BCAS1: variants seen among roughly 807,000 people sequenced by gnomAD.
BCAS1 encodes breast carcinoma-amplified sequence 1.
In BCAS1, 46 loss-of-function variants were observed where a neutral mutation model predicts 65.4. That is an observed-to-expected ratio of 0.70 (90% CI 0.55 to 0.90). The LOEUF (loss-of-function observed/expected upper bound fraction) is 0.90. Among genes scored for constraint, BCAS1 ranks in the 40% least tolerant of loss-of-function variants. The pLI is 0.00. For synonymous variants in BCAS1, 298 were observed against 293.5 expected, an observed-to-expected ratio of 1.02 and a Z score of -0.16; for missense variants, 793 against 771.2, an observed-to-expected ratio of 1.03 and a Z score of -0.33.
At chr20:53,968,874 G>A (rs1458923731) in intron 9 of BCAS1, among the ~76,000 whole-genome samples, 2 of 152,224 alleles carry the variant, frequency 1.3e-5, no homozygotes, top group African/African-American at 4.8e-5. Flanking sequence ...GTCTGCTGCT[G>A]GGCTGTTGGC....
chr20:54,001,863 GTTACA>G (rs1368770292), intron 4 of BCAS1, among the ~76,000 whole-genome samples: 1 of 152,126 alleles, frequency 6.6e-6, no homozygotes, highest in Non-Finnish European at 1.5e-5. Flanking sequence ...CCCATTGGCA[GTTACA>G]TTAGGTAGGA....
At position 53,985,423 on chromosome 20, in the gene BCAS1, C is replaced by T; in HGVS notation, c.1139G>A (p.Gly380Glu). ...KANFTSQETQ[G>E]AGKNSKGCNP... is the part of the protein sequence containing the mutation. ...GCATCCTTTGGAATTCTTGCCAGCC[C>T]CTTGGGTCTCCTGGGATGTAAAGTT... The change falls in exon 8 of 13, where the codon GGG becomes GAG. Residue 380 changes from glycine to glutamate, a missense_variant. Coordinates refer to ENST00000688948, the MANE Select transcript of BCAS1 (RefSeq NM_001366298.2). 6.2e-7 allele frequency: 1 copy of T among 1,613,918 alleles called. No individual in the cohort carries two copies. Among genetic ancestry groups the T allele is most frequent in the South Asian group, 1.1e-5 (1 of 91,080 alleles).
At chr20:54,049,280 C>A (rs142559029) in intron 3 of BCAS1, among the ~76,000 whole-genome samples, 1 of 152,132 alleles carries the variant, frequency 6.6e-6, no homozygotes, top group East Asian at 1.9e-4. Context: ...AAGGAAAATA[C>A]TAATTTTAGA....
intron 3 of BCAS1, 177 bp from the exon 4 acceptor site, chr20:54,029,149 T>C: frequency 2.0e-6 from 2 of 985,434 alleles, no homozygotes; most frequent in Non-Finnish European, 2.4e-6. Context: ...CCTGCTTTTC[T>C]TGGGAGAGGA....
At chr20:53,990,037 T>C (rs991620578) in intron 7 of BCAS1, among the ~76,000 whole-genome samples, 3 of 152,226 alleles carry the variant, frequency 2.0e-5, no homozygotes, top group African/African-American at 7.2e-5. Flanking sequence ...CAAATGACCT[T>C]ACCTTCTTAA....
At chr20:53,994,902 C>G in intron 6 of BCAS1, 110 bp downstream of exon 6, 1 of 825,534 alleles carries the variant, frequency 1.2e-6, no homozygotes, top group Non-Finnish European at 2.0e-6. Flanking sequence ...CACACACACA[C>G]ACACACACAC....
In BCAS1 at chr20:53,990,904, T is replaced by G. The variant is rs778910944; in HGVS notation, c.1062+1608A>C. ...GTGTTACAGAATTCCAGAAGGCTGT[T>G]CCCGCGGCCTCTTCCCACTCTTCCA... On this transcript the variant is annotated intron_variant, in intron 7 of 12. Transcript: ENST00000688948. Among the ~76,000 whole-genome samples, 21 of 152,334 alleles carry G rather than the reference T, an allele frequency of 1.4e-4. No individual in the cohort carries two copies. In the South Asian group the frequency reaches 1.9e-3, roughly 14 times the overall value.
intron 3 of BCAS1, among the ~76,000 whole-genome samples, chr20:54,046,371 T>C (rs942715385): frequency 6.6e-6 from 1 of 151,372 alleles, no homozygotes; most frequent in Admixed American, 6.6e-5. Context: ...GTACTAAAAA[T>C]ACAGAAGATT....
At chr20:53,949,545 C>T (rs921355511) in intron 12 of BCAS1, among the ~76,000 whole-genome samples, 1 of 152,194 alleles carries the variant, frequency 6.6e-6, no homozygotes, top group African/African-American at 2.4e-5. Flanking sequence ...GCCAGCATTC[C>T]CCTCCCAGGA....
At chr20:54,014,943 C>A (rs1046212908) in intron 4 of BCAS1, among the ~76,000 whole-genome samples, 2 of 152,082 alleles carry the variant, frequency 1.3e-5, no homozygotes, top group Non-Finnish European at 2.9e-5. Flanking sequence ...ATTTGTCCCC[C>A]AATTTGCCTA....
intron 12 of BCAS1, among the ~76,000 whole-genome samples, chr20:53,946,204 C>T (rs1292117821): frequency 6.6e-6 from 1 of 151,938 alleles, no homozygotes; most frequent in African/African-American, 2.4e-5. Context: ...AACCACCATC[C>T]AAATCAACAT....
At chr20:54,037,655 T>C (rs1415778657) in intron 3 of BCAS1, among the ~76,000 whole-genome samples, 1 of 151,484 alleles carries the variant, frequency 6.6e-6, no homozygotes, top group Non-Finnish European at 1.5e-5. Flanking sequence ...AGTTAGGTAC[T>C]ATCATCACTC....
At chr20:53,994,916 C>CACACAT (rs765710552) in intron 6 of BCAS1, 96 bp downstream of exon 6, 7 of 911,592 alleles carry the variant, frequency 7.7e-6, no homozygotes, top group East Asian at 2.5e-5. Context: ...CACACACACA[C>CACACAT]ATATATGTAT....
intron 1 of BCAS1, among the ~76,000 whole-genome samples, chr20:54,066,922 A>G (rs1014998608): frequency 6.6e-6 from 1 of 152,210 alleles, no homozygotes; most frequent in African/African-American, 2.4e-5. Context: ...TTCTATTTTC[A>G]TACTTTCTAC....
At chr20:54,009,035 A>G (rs1247885668) in intron 4 of BCAS1, among the ~76,000 whole-genome samples, 1 of 152,178 alleles carries the variant, frequency 6.6e-6, no homozygotes, top group Non-Finnish European at 1.5e-5. Context: ...CTGGTCTCAA[A>G]TTCCTAAACT....
At chr20:53,997,768 T>C (rs1258560499) in intron 4 of BCAS1, among the ~76,000 whole-genome samples, 1 of 152,062 alleles carries the variant, frequency 6.6e-6, no homozygotes, top group Non-Finnish European at 1.5e-5. Flanking sequence ...CTAAAACGTA[T>C]CCGGGCTGGG....
chr20:53,995,141 G>A, intron 5 of BCAS1, 85 bp from the exon 6 acceptor site: 1 of 1,208,566 alleles, frequency 8.3e-7, no homozygotes, highest in Admixed American at 1.8e-5. Flanking sequence ...TCTTTAGGGT[G>A]GTCCAGTTCA....
chr20:53,973,916 C>G (rs2090252349), intron 9 of BCAS1, among the ~76,000 whole-genome samples: 1 of 152,164 alleles, frequency 6.6e-6, no homozygotes, highest in East Asian at 1.9e-4. Flanking sequence ...ACTTTTCTGT[C>G]TAGCTAGAGA....
chr20:53,977,197 A>G (rs181900598), intron 8 of BCAS1, among the ~76,000 whole-genome samples: 38 of 152,326 alleles, frequency 2.5e-4, no homozygotes, highest in Non-Finnish European at 4.7e-4. Context: ...CCATGATCCA[A>G]TCACCTCCTA....
Sources: gnomAD v4.1 joint callset for allele counts (sites outside exome capture counted in the v4.1 genomes callset) on GRCh38, gnomAD v4.1.1 for gene constraint, MANE v1.5 for transcripts, NCBI Gene and HGNC (gene_info 2026-07-23, HGNC 2026-07-21) for gene names.